The following ADAMTS16 variants were observed in gnomAD, a reference collection of about 807,000 sequenced individuals.
ADAMTS16 encodes the protein A disintegrin and metalloproteinase with thrombospondin motifs 16.
Under a neutral mutation model 145.8 loss-of-function variants are expected in ADAMTS16, and 94 were observed. The ratio of observed to expected loss-of-function variants is 0.64; its 90% CI spans 0.55 to 0.77. The LOEUF is 0.77. ADAMTS16 is among the 30% of genes least tolerant of loss of function. ADAMTS16 has a pLI of 0.00. For synonymous variants in ADAMTS16, 659 were observed against 604.3 expected (o/e 1.09, Z -1.33); for missense variants, 1,585 against 1,591.5 (o/e 1.00, Z 0.07).
intron 14 of ADAMTS16, 113 bp from the exon 15 acceptor site, chr5:5,239,038 T>C: frequency 8.3e-7 from 1 of 1,199,984 alleles, no homozygotes; most frequent in Non-Finnish European, 1.1e-6. Context: ...CTACCCTATG[T>C]TGGTGAAATT....
chr5:5,242,286 C>A, intron 17 of ADAMTS16, 95 bp downstream of exon 17: 1 of 1,476,888 alleles, frequency 6.8e-7, no homozygotes. Flanking sequence ...AATGAGCAGC[C>A]CGGGGCTTCT....
intron 7 of ADAMTS16, among the ~76,000 whole-genome samples, chr5:5,190,385 A>G (rs1735631427): frequency 6.6e-6 from 1 of 152,166 alleles, no homozygotes; most frequent in South Asian, 2.1e-4. Flanking sequence ...AAATAAATAC[A>G]TATATATTTT....
chr5:5,250,212 G>A (rs35371984), intron 17 of ADAMTS16, among the ~76,000 whole-genome samples: 3,394 of 152,228 alleles, frequency 0.022, 42 homozygotes, highest in Non-Finnish European at 0.032. Context: ...CCAGGAACCT[G>A]CCATCTTCTA....
chr5:5,226,056 C>T lies in ADAMTS16; in HGVS notation c.1701+3172C>T, dbSNP rs1277931101. On this transcript the variant is annotated intron_variant, in intron 11 of 22. Transcript: ENST00000274181. ...ATGGAGACACGTGGCCTTCCATCTT[C>T]GCATCTCTCTATTTAGAATCAAAAT... Among the ~76,000 whole-genome samples, 7 of 152,226 alleles carry T rather than the reference C, an allele frequency of 4.6e-5. No individual in the cohort carries two copies. In the Middle Eastern group the frequency reaches 0.01, roughly 222 times the overall value.
intron 18 of ADAMTS16, among the ~76,000 whole-genome samples, chr5:5,267,457 A>C (rs899472365): frequency 1.3e-5 from 2 of 152,058 alleles, no homozygotes; most frequent in African/African-American, 4.8e-5. Context: ...GGGAGCCAGA[A>C]AGGGGATGGA....
intron 10 of ADAMTS16, among the ~76,000 whole-genome samples, chr5:5,215,725 A>ATG (rs1736406682): frequency 6.8e-6 from 1 of 146,402 alleles, no homozygotes; most frequent in African/African-American, 2.5e-5. Context: ...TGGTATATAT[A>ATG]TATGTGGTAT....
Position 5,179,454 on chromosome 5 carries a change from C to T in ADAMTS16, c.502-2590C>T, listed in dbSNP as rs554577807. On this transcript the variant is annotated intron_variant, in intron 3 of 22. Coordinates refer to ENST00000274181, the MANE Select transcript of ADAMTS16 (RefSeq NM_139056.4). Reference sequence around the variant, plus strand: ...GTTTAATACCTAAACTGGTTACCTTCGGTAATGGAGAAACTAATTGGGTAG... The same window carrying T: ...GTTTAATACCTAAACTGGTTACCTTTGGTAATGGAGAAACTAATTGGGTAG... 1.6e-4 allele frequency among the ~76,000 whole-genome samples: 24 copies of T among 152,186 alleles called. No homozygotes were observed. In the South Asian group the frequency reaches 3.3e-3, roughly 21 times the overall value.
chr5:5,238,138 G>C (rs767596185), intron 14 of ADAMTS16, among the ~76,000 whole-genome samples: 1 of 152,104 alleles, frequency 6.6e-6, no homozygotes, highest in Non-Finnish European at 1.5e-5. Context: ...TACCTCAGCT[G>C]TACAGTCCTC....
In ADAMTS16 at chr5:5,216,713, G is replaced by A. The variant is rs543187543; in HGVS notation, c.1606-6076G>A. Among the ~76,000 whole-genome samples the A allele has an allele frequency of 1.5e-4, 22 of 144,024 alleles. No individual in the cohort carries two copies. The South Asian group carries it at 3.6e-3, about 24-fold the overall frequency. The allele number at this position is 144,024 out of a possible 152,430, so 94.5% of individuals were successfully genotyped here. On this transcript the variant is annotated intron_variant, in intron 10 of 22. Coordinates refer to ENST00000274181, the MANE Select transcript of ADAMTS16 (RefSeq NM_139056.4). ...GCTGGTGCGCTGCACCCACTAACTCGTCATCTAGCATTAGGTATATCTCCC... is the reference window on the plus strand; with the variant it reads ...GCTGGTGCGCTGCACCCACTAACTCATCATCTAGCATTAGGTATATCTCCC...
chr5:5,158,910 TATTAAGATTCTCATGA>T (rs1333647948), intron 3 of ADAMTS16, among the ~76,000 whole-genome samples: 1 of 152,238 alleles, frequency 6.6e-6, no homozygotes, highest in African/African-American at 2.4e-5. Flanking sequence ...GCCTATCGTG[TATTAAGATTCTCATGA>T]ATAGGCACTT....
At chr5:5,180,135 A>C (rs1445841818) in intron 3 of ADAMTS16, among the ~76,000 whole-genome samples, 1 of 152,210 alleles carries the variant, frequency 6.6e-6, no homozygotes, top group African/African-American at 2.4e-5. Flanking sequence ...AGTAAGAATC[A>C]GACCCAGGCT....
In ADAMTS16 at chr5:5,310,737, C is replaced by G. The variant is rs1329957028; in HGVS notation, c.3411+4009C>G. 6.6e-6 allele frequency among the ~76,000 whole-genome samples: 1 copy of G among 152,206 alleles called. No homozygotes were observed. Among genetic ancestry groups the G allele is most frequent in the African/African-American group, 2.4e-5 (1 of 41,458 alleles). On this transcript the variant is annotated intron_variant, in intron 21 of 22. Coordinates refer to ENST00000274181, the MANE Select transcript of ADAMTS16 (RefSeq NM_139056.4). This position sits in a 1 kb window ranked among gnomAD's most constrained non-coding sequence, Gnocchi z 4.3. ...AAGGCACCACCTCTGCTGCTCATAC[C>G]TTAATTTTGGATTTCTGGCGTCCTA...
chr5:5,242,887 T>C (rs561165247), intron 17 of ADAMTS16, among the ~76,000 whole-genome samples: 43 of 152,186 alleles, frequency 2.8e-4, no homozygotes, highest in Non-Finnish European at 5.4e-4. Context: ...TAAAACAACA[T>C]AGTAAATTCT....
chr5:5,147,217 C>T (rs1656955127), intron 3 of ADAMTS16, among the ~76,000 whole-genome samples: 1 of 152,178 alleles, frequency 6.6e-6, no homozygotes, highest in Non-Finnish European at 1.5e-5. Context: ...AGATTCTTGG[C>T]AGCAAATGAA....
intron 10 of ADAMTS16, among the ~76,000 whole-genome samples, chr5:5,215,903 T>TATATATATATAC (rs1331779407): frequency 4.0e-5 from 5 of 126,552 alleles, no homozygotes; most frequent in Non-Finnish European, 8.7e-5. Context: ...TATATATATA[T>TATATATATATAC]ATATATATAT....
intron 18 of ADAMTS16, among the ~76,000 whole-genome samples, chr5:5,283,251 A>G (rs910980519): frequency 1.2e-4 from 18 of 152,164 alleles, no homozygotes; most frequent in Admixed American, 3.9e-4. Flanking sequence ...CTTATTTGAT[A>G]TGTATCACAT....
At chr5:5,207,018 C>T (rs1736145993) in intron 9 of ADAMTS16, among the ~76,000 whole-genome samples, 1 of 152,198 alleles carries the variant, frequency 6.6e-6, no homozygotes, top group Non-Finnish European at 1.5e-5. Flanking sequence ...TTCAGTATTG[C>T]TCTGGTTATT....
chr5:5,184,132 C>T (rs971652190), intron 4 of ADAMTS16, among the ~76,000 whole-genome samples: 3 of 152,156 alleles, frequency 2.0e-5, no homozygotes, highest in African/African-American at 7.2e-5. Flanking sequence ...CTGCTTCCTA[C>T]TGGAGCGTGC....
rs550922142 is a variant in ADAMTS16, at chr5:5,217,295, G to C, written c.1606-5494G>C. On this transcript the variant is annotated intron_variant, in intron 10 of 22. Transcript: ENST00000274181. Reference sequence around the variant, plus strand: ...CCATTCAGGACATAGGCATGGGCAAGGACTTCATGTCTAAAACACCAAAAG... The same window carrying C: ...CCATTCAGGACATAGGCATGGGCAACGACTTCATGTCTAAAACACCAAAAG... 4.9e-3 allele frequency among the ~76,000 whole-genome samples: 750 copies of C among 151,966 alleles called. 5 individuals carry two copies. The highest frequency in any genetic ancestry group is 0.017 in the African/African-American group (713 of 41,390).
Sources: gnomAD v4.1 joint callset for allele counts (sites outside exome capture counted in the v4.1 genomes callset) on GRCh38, gnomAD v4.1.1 for gene constraint, Gnocchi (gnomAD v3.1) non-coding constraint, MANE v1.5 for transcripts, NCBI Gene and HGNC (gene_info 2026-07-23, HGNC 2026-07-21) for gene names.